Variants in FAM107B observed in about 807,000 individuals in gnomAD.
The protein encoded by FAM107B is family with sequence similarity 107 member B.
In FAM107B, 21 loss-of-function variants were observed where a neutral mutation model predicts 31.5. The ratio of observed to expected loss-of-function variants is 0.67; its 90% CI spans 0.47 to 0.96. The LOEUF is 0.96. Among genes scored for constraint, FAM107B ranks in the 40% least tolerant of loss-of-function variants. The pLI is 0.00. For synonymous variants in FAM107B, 157 were observed against 141.5 expected (o/e 1.11, Z -0.78); for missense variants, 452 against 377.1 (o/e 1.20, Z -1.64).
chr10:14,735,281 A>AT (rs1486889622), intron 1 of FAM107B, among the ~76,000 whole-genome samples: 1 of 145,830 alleles, frequency 6.9e-6, no homozygotes, highest in Non-Finnish European at 1.5e-5. Context: ...ACATTATGAG[A>AT]TTTTTTGCAA....
intron 2 of FAM107B, among the ~76,000 whole-genome samples, chr10:14,659,960 T>A (rs1173069001): frequency 6.6e-6 from 1 of 152,194 alleles, no homozygotes; most frequent in Non-Finnish European, 1.5e-5. Context: ...CTGTTTGGGG[T>A]TCGTTACTTC....
intron 1 of FAM107B, among the ~76,000 whole-genome samples, chr10:14,709,344 C>A (rs575049172): frequency 9.7e-4 from 148 of 152,286 alleles, no homozygotes; most frequent in African/African-American, 3.5e-3. Flanking sequence ...AAAAGAAAGA[C>A]GTTTAATGAA....
Position 14,673,998 on chromosome 10 carries a change from C to A in FAM107B, c.412-6307G>T, listed in dbSNP as rs1425060857. Among the ~76,000 whole-genome samples, 7 of 151,948 alleles carry A rather than the reference C, an allele frequency of 4.6e-5. No homozygotes were observed. The East Asian group carries it at 1.4e-3, about 29-fold the overall frequency. The stretch of plus-strand genomic sequence containing the variant: ...TTTTGCTTTTTGTTTTGTTTGTTTG[C>A]TGTTGAGTTATTTGCGTTCCAAGTA... On this transcript the variant is annotated intron_variant, in intron 1 of 4. Transcript: ENST00000181796.
At chr10:14,686,585 C>T (rs1266626435) in intron 1 of FAM107B, among the ~76,000 whole-genome samples, 1 of 152,142 alleles carries the variant, frequency 6.6e-6, no homozygotes, top group African/African-American at 2.4e-5. Context: ...TAGAACCTTT[C>T]AGAATGAATG....
At chr10:14,581,096 G>A (rs979344247) in intron 2 of FAM107B, among the ~76,000 whole-genome samples, 4 of 152,252 alleles carry the variant, frequency 2.6e-5, no homozygotes, top group Non-Finnish European at 5.9e-5. Flanking sequence ...CGGGCCAGGG[G>A]AGGAGGAGGA....
intron 1 of FAM107B, among the ~76,000 whole-genome samples, chr10:14,720,156 A>G (rs1855877298): frequency 6.6e-6 from 1 of 152,122 alleles, no homozygotes; most frequent in South Asian, 2.1e-4. Flanking sequence ...CCTGCCACCC[A>G]TTTCATAGTT....
At chr10:14,678,732 GAA>G (rs1319223899) in intron 1 of FAM107B, among the ~76,000 whole-genome samples, 1 of 151,680 alleles carries the variant, frequency 6.6e-6, no homozygotes, top group Non-Finnish European at 1.5e-5. Flanking sequence ...GAGAGAAAGA[GAA>G]TTTGACTAGC....
Position 14,629,352 on chromosome 10 carries a change from T to C in FAM107B, c.469+38282A>G, listed in dbSNP as rs866322522. 8.7e-3 allele frequency among the ~76,000 whole-genome samples: 844 copies of C among 96,782 alleles called. 29 individuals are homozygous for C. Among genetic ancestry groups the C allele is most frequent in the African/African-American group, 0.021 (472 of 22,456 alleles). 63.5% of individuals were successfully genotyped at this position (96,782 alleles called of 152,430 possible). On this transcript the variant is annotated intron_variant, in intron 2 of 4. Coordinates refer to ENST00000181796, the MANE Select transcript of FAM107B (RefSeq NM_031453.4). ...TATATAAATATATGTAATTTATATA[T>C]ATAATATATATTATATATTTAATAT...
At chr10:14,736,503 G>T (rs1856303864) in intron 1 of FAM107B, among the ~76,000 whole-genome samples, 1 of 152,052 alleles carries the variant, frequency 6.6e-6, no homozygotes, top group Non-Finnish European at 1.5e-5. Context: ...GTACTCTTCA[G>T]CCTATTGCAC....
intron 2 of FAM107B, among the ~76,000 whole-genome samples, chr10:14,620,537 T>A (rs1852982851): frequency 6.6e-6 from 1 of 152,222 alleles, no homozygotes; most frequent in Non-Finnish European, 1.5e-5. Context: ...TACTGTATTT[T>A]TTTTATTATT....
chr10:14,597,410 T>A (rs531119216), intron 2 of FAM107B, among the ~76,000 whole-genome samples: 12 of 152,252 alleles, frequency 7.9e-5, no homozygotes, highest in African/African-American at 2.9e-4. Context: ...GAAAAGCTTA[T>A]ACCACAGTAA....
At position 14,592,485 on chromosome 10, in the gene FAM107B, A is replaced by C. The variant is rs148928576; in HGVS notation, c.470-61970T>G. On this transcript the variant is annotated intron_variant, in intron 2 of 4. Coordinates refer to ENST00000181796, the MANE Select transcript of FAM107B (RefSeq NM_031453.4). ...GTGAAAGGGGAGAAAAAGAGACAAC[A>C]CCTAACAGGTGGCTTAGATTTTGCA... is the stretch of plus-strand genomic sequence containing the variant. 3.0e-3 allele frequency among the ~76,000 whole-genome samples: 460 copies of C among 152,316 alleles called. 1 individual carries two copies. The highest frequency in any genetic ancestry group is 0.017 in the Middle Eastern group (5 of 294).
intron 2 of FAM107B, among the ~76,000 whole-genome samples, chr10:14,569,903 C>A (rs1006950927): frequency 6.6e-6 from 1 of 152,214 alleles, no homozygotes; most frequent in Non-Finnish European, 1.5e-5. Context: ...GCCAACCAGG[C>A]AGGCTGGGCG....
At chr10:14,558,046 G>A (rs902949453) in intron 2 of FAM107B, among the ~76,000 whole-genome samples, 3 of 152,232 alleles carry the variant, frequency 2.0e-5, no homozygotes, top group Admixed American at 6.5e-5. Context: ...CGTGAGTCCA[G>A]GTAATTCCTT....
intron 2 of FAM107B, among the ~76,000 whole-genome samples, chr10:14,577,024 T>C (rs1851486461): frequency 1.3e-5 from 2 of 152,246 alleles, no homozygotes; most frequent in South Asian, 4.1e-4. Context: ...CTTCATATTG[T>C]CAATGTATGC....
intron 2 of FAM107B, among the ~76,000 whole-genome samples, chr10:14,633,753 C>T (rs1192261167): frequency 6.6e-6 from 1 of 152,166 alleles, no homozygotes; most frequent in Non-Finnish European, 1.5e-5. Context: ...ATTCTGCAAC[C>T]TGACAACTTT....
intron 2 of FAM107B, among the ~76,000 whole-genome samples, chr10:14,578,748 G>C (rs768544995): frequency 4.6e-5 from 7 of 152,180 alleles, no homozygotes; most frequent in African/African-American, 1.4e-4. Context: ...TTTAAGAAGA[G>C]ATTAGAACAA....
Position 14,697,390 on chromosome 10 carries a change from C to T in FAM107B, c.412-29699G>A, listed in dbSNP as rs532865679. ...GGAATCATTTTCAGAGCAAGTACCA[C>T]GTGTTTTTGAAATAATGCAGGGCTC... On this transcript the variant is annotated intron_variant, in intron 1 of 4. Coordinates refer to ENST00000181796, the MANE Select transcript of FAM107B (RefSeq NM_031453.4). Among the ~76,000 whole-genome samples, 26 of 152,300 alleles carry T rather than the reference C, an allele frequency of 1.7e-4. No individual in the cohort carries two copies. The South Asian group carries it at 4.8e-3, about 28-fold the overall frequency.
At chr10:14,572,742 T>TATATATATATATATATATATAC (rs1851316346) in intron 2 of FAM107B, among the ~76,000 whole-genome samples, 2 of 121,278 alleles carry the variant, frequency 1.6e-5, no homozygotes, top group Non-Finnish European at 3.5e-5. Flanking sequence ...AAAAAATTTA[T>TATATATATATATATATATATAC]ATATATATAT....
Sources: allele counts gnomAD v4.1 joint callset (sites outside exome capture counted in the v4.1 genomes callset), GRCh38; gene constraint gnomAD v4.1.1; transcripts MANE v1.5; gene names NCBI Gene and HGNC (gene_info 2026-07-23, HGNC 2026-07-21).